Variants in TMEM161B observed in about 807,000 individuals in gnomAD.
The protein encoded by TMEM161B is transmembrane protein 161B.
A neutral mutation model predicts 61.8 loss-of-function variants in TMEM161B; 34 were observed. The observed-to-expected ratio is 0.55, with a 90% CI of 0.42 to 0.73. TMEM161B has a LOEUF of 0.73. TMEM161B is among the 30% of genes least tolerant of loss of function. The pLI, the probability that TMEM161B is intolerant of heterozygous loss-of-function variation, is 0.00. For synonymous variants in TMEM161B, 167 were observed against 192.8 expected (o/e 0.87, Z 1.11); for missense variants, 456 against 558.5 (o/e 0.82, Z 1.85).
rs367731099 is a variant in TMEM161B at position 88,248,817 on chromosome 5, T to C, written c.4-7901A>G. Among the ~76,000 whole-genome samples the C allele has an allele frequency of 9.9e-5, 15 of 152,180 alleles. No homozygotes were observed. The East Asian group carries it at 1.6e-3, about 16-fold the overall frequency. On this transcript the variant is annotated intron_variant, in intron 1 of 11. Coordinates refer to ENST00000296595, the MANE Select transcript of TMEM161B (RefSeq NM_153354.5). ...ATATATGTATAGCTTACCTACCAGC[T>C]TTTAATTAACCTGACTTTTAACCAT...
intron 11 of TMEM161B, among the ~76,000 whole-genome samples, chr5:88,197,251 G>C (rs963416612): frequency 1.3e-5 from 2 of 152,100 alleles, no homozygotes; most frequent in Non-Finnish European, 2.9e-5. Context: ...AATCTTCACC[G>C]TTTCGATGTA....
chr5:88,220,728 A>C lies in TMEM161B; in HGVS notation c.290-9T>G. ...TGGAAAGTAATGCAATGCTGGAAAG[A>C]AAAAAAAAAAAAAAAAAAAAAAAGG... On this transcript the variant is annotated splice_polypyrimidine_tract_variant and intron_variant, in intron 4 of 11. Coordinates refer to ENST00000296595, the MANE Select transcript of TMEM161B (RefSeq NM_153354.5). 24 of 758,280 alleles carry C rather than the reference A, an allele frequency of 3.2e-5. No homozygotes were observed. The highest frequency in any genetic ancestry group is 5.8e-5 in the East Asian group (1 of 17,308). The allele number at this position is 758,280 out of a possible 1,614,324, so 47.0% of individuals were successfully genotyped here. A position where few individuals can be genotyped will look rare whatever the true frequency, so the allele number is the denominator to read the frequency against.
At chr5:88,220,751 A>G in intron 4 of TMEM161B, 32 bp from the exon 5 acceptor site, 3 of 1,407,708 alleles carry the variant, frequency 2.1e-6, no homozygotes, top group Non-Finnish European at 1.9e-6. Context: ...AAAAAAAAAA[A>G]GGTCAAAAAA....
intron 2 of TMEM161B, among the ~76,000 whole-genome samples, chr5:88,233,313 ACTT>A (rs1751328594): frequency 6.6e-6 from 1 of 152,204 alleles, no homozygotes; most frequent in Admixed American, 6.5e-5. Flanking sequence ...GTGAGGAAAA[ACTT>A]CTCTGAGACA....
At position 88,196,114 on chromosome 5, in the gene TMEM161B, A is replaced by T; in HGVS notation, c.*97T>A. On this transcript the variant is annotated 3_prime_UTR_variant, in exon 12 of 12. Transcript: ENST00000296595. ...CATTCTGATATGTTTTTTTTTTCCCATTGTATTTGCTTTCTTCTGGTTTTC... is the reference window on the plus strand; with the variant it reads ...CATTCTGATATGTTTTTTTTTTCCCTTTGTATTTGCTTTCTTCTGGTTTTC... 2.0e-6 allele frequency: 3 copies of T among 1,470,056 alleles called. No individual in the cohort carries two copies. Among genetic ancestry groups the T allele is most frequent in the African/African-American group, 2.9e-5 (2 of 70,030 alleles). The allele number at this position is 1,470,056 out of a possible 1,614,324, so 91.1% of individuals were successfully genotyped here. A position where few individuals can be genotyped will look rare whatever the true frequency, so the allele number is the denominator to read the frequency against.
At position 88,228,631 on chromosome 5, in the gene TMEM161B, C is replaced by T. The variant is rs1750463197; in HGVS notation, c.108-103G>A. 18 of 811,012 alleles carry T rather than the reference C, an allele frequency of 2.2e-5. No individual in the cohort carries two copies. The South Asian group carries it at 2.3e-4, about 10-fold the overall frequency. The allele number at this position is 811,012 out of a possible 1,614,324, so 50.2% of individuals were successfully genotyped here. ...AGTTTCATATTTGTGAAGACACTGT[C>T]GAGAAATATCAGGTGAAAACTGTAA... is the stretch of plus-strand genomic sequence containing the variant. On this transcript the variant is annotated intron_variant, in intron 2 of 11. Coordinates refer to ENST00000296595, the MANE Select transcript of TMEM161B (RefSeq NM_153354.5).
intron 1 of TMEM161B, among the ~76,000 whole-genome samples, chr5:88,241,121 C>A (rs1752664604): frequency 6.6e-6 from 1 of 151,542 alleles, no homozygotes; most frequent in South Asian, 2.1e-4. Context: ...AAAAATAATA[C>A]AATTAAAAAT....
At chr5:88,252,237 G>T (rs150060818) in intron 1 of TMEM161B, among the ~76,000 whole-genome samples, 1 of 152,058 alleles carries the variant, frequency 6.6e-6, no homozygotes, top group African/African-American at 2.4e-5. Flanking sequence ...ACAGCAAAAC[G>T]CCTACCTCAA....
intron 2 of TMEM161B, among the ~76,000 whole-genome samples, chr5:88,233,226 A>C (rs1751310744): frequency 6.6e-6 from 1 of 152,216 alleles, no homozygotes; most frequent in Admixed American, 6.5e-5. Context: ...CCAATTAAAT[A>C]GTGAAAAATA....
At chr5:88,233,360 A>G (rs1751333866) in intron 2 of TMEM161B, among the ~76,000 whole-genome samples, 2 of 152,210 alleles carry the variant, frequency 1.3e-5, no homozygotes, top group Non-Finnish European at 2.9e-5. Context: ...AGAAAACAGA[A>G]GAAGAGCATT....
intron 5 of TMEM161B, among the ~76,000 whole-genome samples, chr5:88,213,453 C>T (rs866117514): frequency 1.3e-5 from 2 of 152,050 alleles, no homozygotes; most frequent in African/African-American, 4.8e-5. Flanking sequence ...CTGTTTAAAA[C>T]GCCATTCCAC....
chr5:88,202,250 G>A (rs1744553512), intron 9 of TMEM161B: 1 of 381,388 alleles, frequency 2.6e-6, no homozygotes, highest in South Asian at 2.0e-5. Flanking sequence ...AGTTCTACAA[G>A]GCTAACAGAT....
intron 2 of TMEM161B, among the ~76,000 whole-genome samples, chr5:88,233,132 A>G (rs978935983): frequency 1.3e-5 from 2 of 152,200 alleles, no homozygotes; most frequent in Non-Finnish European, 2.9e-5. Flanking sequence ...ATACTCTGCT[A>G]GGCAGAGGAG....
chr5:88,223,897 T>TA lies in TMEM161B; in HGVS notation c.289+1871dup, dbSNP rs879564875. On this transcript the variant is annotated intron_variant, in intron 4 of 11. Coordinates refer to ENST00000296595, the MANE Select transcript of TMEM161B (RefSeq NM_153354.5). ...GAGCGAGACTCCATCTCAAAAAAAA[T>TA]AAAAAAAAAAAACAGTCTAAATCAT... 2.4e-3 allele frequency among the ~76,000 whole-genome samples: 327 copies of TA among 138,694 alleles called. 1 individual carries two copies. Among genetic ancestry groups the TA allele is most frequent in the African/African-American group, 4.3e-3 (163 of 37,992 alleles). 91.0% of individuals were successfully genotyped at this position (138,694 alleles called of 152,430 possible).
intron 1 of TMEM161B, among the ~76,000 whole-genome samples, chr5:88,263,269 A>G (rs918448570): frequency 1.3e-5 from 2 of 152,156 alleles, no homozygotes; most frequent in African/African-American, 4.8e-5. Context: ...TCTCTGTTAA[A>G]TGTATCACAA....
At chr5:88,268,430 C>A (rs965059780) in intron 1 of TMEM161B, among the ~76,000 whole-genome samples, 4 of 152,118 alleles carry the variant, frequency 2.6e-5, no homozygotes, top group Admixed American at 6.5e-5. Context: ...GATCACCTGG[C>A]GCCACAGGCC....
chr5:88,233,656 G>C (rs1022863291), intron 2 of TMEM161B, among the ~76,000 whole-genome samples: 1 of 152,164 alleles, frequency 6.6e-6, no homozygotes, highest in Non-Finnish European at 1.5e-5. Context: ...GAATCAACAG[G>C]TCTTGCTGAT....
intron 5 of TMEM161B, among the ~76,000 whole-genome samples, chr5:88,218,190 G>C (rs1748257136): frequency 6.6e-6 from 1 of 152,052 alleles, no homozygotes; most frequent in South Asian, 2.1e-4. Context: ...ACCAGTTGAG[G>C]AGATCGAATA....
chr5:88,232,878 G>A (rs1239925454), intron 2 of TMEM161B, among the ~76,000 whole-genome samples: 1 of 152,118 alleles, frequency 6.6e-6, no homozygotes, highest in Admixed American at 6.6e-5. Flanking sequence ...CTGGCCTTAA[G>A]ACACATTTTC....
Sources: allele counts gnomAD v4.1 joint callset (sites outside exome capture counted in the v4.1 genomes callset), GRCh38; gene constraint gnomAD v4.1.1; transcripts MANE v1.5; gene names NCBI Gene and HGNC (gene_info 2026-07-23, HGNC 2026-07-21).